GPM6A: variants seen among roughly 807,000 people sequenced by gnomAD.
The protein encoded by GPM6A is neuronal membrane glycoprotein M6-a.
Under a neutral mutation model 32.1 loss-of-function variants are expected in GPM6A, and 7 were observed. The observed-to-expected ratio is 0.22, with a 90% CI of 0.12 to 0.41. The LOEUF is 0.41. GPM6A is among the 10% of genes least tolerant of loss of function. GPM6A has a pLI of 1.00. For missense variants in GPM6A, 235 were observed against 347.2 expected (o/e 0.68, Z 2.57); for synonymous variants, 130 against 123.4 (o/e 1.05, Z -0.35).
At chr4:175,687,950 C>A (rs1560875715) in intron 2 of GPM6A, among the ~76,000 whole-genome samples, 1 of 152,132 alleles carries the variant, frequency 6.6e-6, no homozygotes, top group East Asian at 1.9e-4. Context: ...TTTGGAACAT[C>A]TTTTCATATA....
intron 1 of GPM6A, among the ~76,000 whole-genome samples, chr4:175,836,284 T>C (rs1735766212): frequency 6.6e-6 from 1 of 152,164 alleles, no homozygotes; most frequent in Admixed American, 6.6e-5. Flanking sequence ...TTTCTTCTGC[T>C]CCTCAGATCC....
At chr4:175,855,383 T>A (rs1220496082) in intron 1 of GPM6A, among the ~76,000 whole-genome samples, 1 of 152,068 alleles carries the variant, frequency 6.6e-6, no homozygotes, top group Non-Finnish European at 1.5e-5. Flanking sequence ...TGTATGCAAA[T>A]AATATATTAG....
rs761349389 is a variant in GPM6A, at chr4:175,651,966, A to G, written c.409T>C (p.Phe137Leu). Residue 137 changes from phenylalanine (F) to leucine (L), a missense_variant, in exon 4 of 7, where the codon TTC (phenylalanine) becomes CTC (leucine). By Grantham distance (22) the Phe-to-Leu change is conservative. Around this residue, in one of 3 missense-constraint regions of GPM6A, gnomAD observed 101 missense variants for 171.2 expected, o/e 0.59. Coordinates refer to ENST00000393658, the MANE Select transcript of GPM6A (RefSeq NM_201591.3). ...GTGACTCCCAGCCAGGCCAACATGA[A>G]AAGATATGTCAGCATAATGAACTGC... ...SAWFIMLTYLFMLAWLGVTAF... is the reference protein window; with the variant it reads ...SAWFIMLTYLLMLAWLGVTAF... The G allele has an allele frequency of 6.2e-7, 1 of 1,612,926 alleles. No individual in the cohort carries two copies. The highest frequency in any genetic ancestry group is 1.3e-5 in the African/African-American group (1 of 74,852).
intron 1 of GPM6A, among the ~76,000 whole-genome samples, chr4:175,916,920 G>T (rs1225692637): frequency 1.3e-5 from 2 of 152,136 alleles, no homozygotes; most frequent in East Asian, 3.8e-4. Flanking sequence ...ACATAAAAGA[G>T]AATTTTTAAG....
chr4:175,637,141 ATGATATATTATATGTCACATATAATAT>A (rs1740689377), intron 6 of GPM6A, among the ~76,000 whole-genome samples: 1 of 111,774 alleles, frequency 8.9e-6, no homozygotes, highest in African/African-American at 3.4e-5. Context: ...TATATTATAT[ATGATATATTATATGTCACATATAATAT>A]ATCATATATG....
chr4:175,867,893 C>T (rs761957767), intron 1 of GPM6A, among the ~76,000 whole-genome samples: 38 of 152,282 alleles, frequency 2.5e-4, no homozygotes, highest in Admixed American at 8.5e-4. Flanking sequence ...AATAGTTTCT[C>T]CTTAGGAAAT....
chr4:175,896,304 T>C (rs886147438), intron 1 of GPM6A, among the ~76,000 whole-genome samples: 13 of 152,040 alleles, frequency 8.6e-5, no homozygotes, highest in African/African-American at 3.1e-4. Context: ...GGCCACAAAG[T>C]TCTGGGGTCT....
upstream of GPM6A, chr4:175,812,939 G>C (rs1734986915): frequency 1.0e-6 from 1 of 985,244 alleles, no homozygotes; most frequent in Non-Finnish European, 1.2e-6. Context: ...TTATTACTAA[G>C]ACAGGACTTG....
chr4:175,709,318 C>T (rs1039541692), intron 1 of GPM6A, among the ~76,000 whole-genome samples: 3 of 150,570 alleles, frequency 2.0e-5, no homozygotes, highest in African/African-American at 4.9e-5. Flanking sequence ...TCTCTCTCTA[C>T]GTGGGCCTCT....
intron 1 of GPM6A, among the ~76,000 whole-genome samples, chr4:175,991,328 G>A (rs1455299403): frequency 6.6e-6 from 1 of 150,474 alleles, no homozygotes; most frequent in Non-Finnish European, 1.5e-5. Flanking sequence ...CACCCGCCTC[G>A]GCCTCCCAAA....
At chr4:175,806,730 G>A (rs1246772674) in intron 1 of GPM6A, 1 of 152,140 alleles carries the variant, frequency 6.6e-6, no homozygotes, top group Non-Finnish European at 1.5e-5. Flanking sequence ...AAAATACCAA[G>A]CGGTAAAAGT....
intron 1 of GPM6A, among the ~76,000 whole-genome samples, chr4:175,782,457 G>C (rs184595160): frequency 2.8e-4 from 43 of 152,230 alleles, no homozygotes; most frequent in Non-Finnish European, 5.4e-4. Flanking sequence ...GTAAGGTAAA[G>C]GTGCTATGTC....
chr4:175,635,781 C>T (rs945877187), intron 6 of GPM6A, among the ~76,000 whole-genome samples: 1 of 151,998 alleles, frequency 6.6e-6, no homozygotes, highest in African/African-American at 2.4e-5. Flanking sequence ...TCTTTCTTCC[C>T]TCTTGGTCCA....
intron 1 of GPM6A, among the ~76,000 whole-genome samples, chr4:175,823,408 C>A (rs1735338736): frequency 6.6e-6 from 1 of 152,074 alleles, no homozygotes; most frequent in African/African-American, 2.4e-5. Context: ...CCTAACCTTA[C>A]ATATTGGATA....
At chr4:175,955,212 G>A (rs1200956793) in intron 1 of GPM6A, among the ~76,000 whole-genome samples, 3 of 152,196 alleles carry the variant, frequency 2.0e-5, no homozygotes, top group African/African-American at 4.8e-5. Context: ...GTTCCAACAA[G>A]CCCACATACC....
At chr4:175,972,778 T>C (rs1394809861) in intron 1 of GPM6A, among the ~76,000 whole-genome samples, 1 of 152,214 alleles carries the variant, frequency 6.6e-6, no homozygotes, top group Non-Finnish European at 1.5e-5. Context: ...ATGCAAAGTT[T>C]CCTTTCTTGA....
chr4:175,969,625 C>T (rs1338526457), intron 1 of GPM6A, among the ~76,000 whole-genome samples: 1 of 152,062 alleles, frequency 6.6e-6, no homozygotes, highest in Non-Finnish European at 1.5e-5. Context: ...GCAGGAGAAT[C>T]TCTTGAACCC....
At chr4:175,653,457 C>A (rs993964222) in intron 3 of GPM6A, among the ~76,000 whole-genome samples, 2 of 152,092 alleles carry the variant, frequency 1.3e-5, no homozygotes, top group African/African-American at 4.8e-5. Flanking sequence ...TCTGTCTCAA[C>A]AACGTCCTTA....
rs143930465 is a variant in GPM6A, at chr4:175,914,895, A to G, written c.-23+87414T>C. Among the ~76,000 whole-genome samples the G allele has an allele frequency of 7.3e-3, 1,118 of 152,298 alleles. 11 individuals carry two copies. Among genetic ancestry groups the G allele is most frequent in the Middle Eastern group, 0.034 (10 of 294 alleles). Reference sequence around the variant, plus strand: ...CCCAACATTTTATTTTCCTTTCACAAGACACACCCCAAGCAATAACAATCA... The same window carrying G: ...CCCAACATTTTATTTTCCTTTCACAGGACACACCCCAAGCAATAACAATCA... On this transcript the variant is annotated intron_variant, in intron 1 of 7. Transcript: ENST00000280187.
Sources: allele counts gnomAD v4.1 joint callset (sites outside exome capture counted in the v4.1 genomes callset), GRCh38; gene constraint gnomAD v4.1.1; regional missense constraint gnomAD v4.1.1; transcripts MANE v1.5; gene names NCBI Gene and HGNC (gene_info 2026-07-23, HGNC 2026-07-21).